The following OR56A3 variants were observed in gnomAD, a reference collection of about 807,000 sequenced individuals.
The protein encoded by OR56A3 is olfactory receptor 56A3.
A neutral mutation model predicts 17.5 loss-of-function variants in OR56A3; 23 were observed. The ratio of observed to expected loss-of-function variants is 1.32; its 90% confidence interval spans 0.95 to 1.87. OR56A3 has a LOEUF of 1.87. Among genes scored for constraint, OR56A3 ranks in the 40% most tolerant of loss-of-function variants. The pLI, the probability that OR56A3 is intolerant of heterozygous loss-of-function variation, is 0.00. For synonymous variants in OR56A3, 175 were observed against 150.6 expected (o/e 1.16, Z -1.19); for missense variants, 366 against 380.1 (o/e 0.96, Z 0.31).
At chr11:6,002,911 G>T in the OR56A3 span, 2 of 1,614,088 alleles carry the variant, frequency 1.2e-6, no homozygotes, top group Admixed American at 3.3e-5. Flanking sequence ...GACAACCAGT[G>T]CTGCCAGCTC....
chr11:6,018,040 GTATATA>G, the OR56A3 span, among the ~76,000 whole-genome samples: 557 of 20,896 alleles, frequency 0.027, 4 homozygotes, highest in African/African-American at 0.041. Flanking sequence ...GTGTGTGTGT[GTATATA>G]TATATATATA....
At chr11:5,975,593 C>A in the OR56A3 span, among the ~76,000 whole-genome samples, 3 of 152,034 alleles carry the variant, frequency 2.0e-5, no homozygotes, top group Non-Finnish European at 4.4e-5. Context: ...ACATTTTCTT[C>A]ATCCAGTCTA....
chr11:6,010,650 A>G, the OR56A3 span, among the ~76,000 whole-genome samples: 1 of 152,212 alleles, frequency 6.6e-6, no homozygotes, highest in Non-Finnish European at 1.5e-5. Flanking sequence ...TATTCTTTGC[A>G]GATTACCCAG....
the OR56A3 span, chr11:6,021,737 A>G: frequency 1.3e-5 from 2 of 152,150 alleles, no homozygotes; most frequent in Non-Finnish European, 2.9e-5. Flanking sequence ...TTAAAAAAAC[A>G]ATAAAAAGCA....
At chr11:5,974,880 G>A in the OR56A3 span, among the ~76,000 whole-genome samples, 3 of 152,186 alleles carry the variant, frequency 2.0e-5, no homozygotes, top group Non-Finnish European at 2.9e-5. Context: ...ACAGTGCTGA[G>A]CTTATAGTAA....
At chr11:5,975,296 C>T in the OR56A3 span, among the ~76,000 whole-genome samples, 11 of 152,114 alleles carry the variant, frequency 7.2e-5, no homozygotes, top group African/African-American at 1.2e-4. Context: ...CATGTTGGTG[C>T]GCTGCACCCA....
chr11:5,960,558 G>A, the OR56A3 span, among the ~76,000 whole-genome samples: 1 of 152,216 alleles, frequency 6.6e-6, no homozygotes, highest in Admixed American at 6.5e-5. Context: ...CGCTCACTCA[G>A]TGCTCAATGT....
the OR56A3 span, among the ~76,000 whole-genome samples, chr11:6,005,560 G>A: frequency 6.6e-6 from 1 of 152,068 alleles, no homozygotes; most frequent in African/African-American, 2.4e-5. Flanking sequence ...ATATGCAATA[G>A]ATGGTGTCTT....
chr11:6,009,268 C>A, the OR56A3 span, among the ~76,000 whole-genome samples: 148 of 152,262 alleles, frequency 9.7e-4, no homozygotes, highest in South Asian at 4.6e-3. Context: ...CCATTTCATA[C>A]TGGTTTCTTC....
At chr11:6,020,335 T>C in the OR56A3 span, 1 of 152,160 alleles carries the variant, frequency 6.6e-6, no homozygotes, top group African/African-American at 2.4e-5. Context: ...TTTTTTCTAG[T>C]TCTGTAAAGA....
At chr11:5,953,902 T>C (rs1007316257), downstream of OR56A3, among the ~76,000 whole-genome samples, 7 of 152,076 alleles carry the variant, frequency 4.6e-5, no homozygotes, top group Non-Finnish European at 7.4e-5. Context: ...GGGGGACTCA[T>C]TGATTAATTA....
the OR56A3 span, chr11:5,968,149 A>C: frequency 2.4e-5 from 39 of 1,614,220 alleles, no homozygotes; most frequent in Non-Finnish European, 3.2e-5. Context: ...ATGAATGTGC[A>C]GGACTCCATA....
Position 5,947,851 on chromosome 11 carries a change from C to T in OR56A3, c.505C>T (p.Gln169Ter), listed in dbSNP as rs955583733. The T allele has an allele frequency of 1.9e-6, 3 of 1,614,230 alleles. No individual in the cohort carries two copies. ...MTLPIPILSA[Q>*]LRYCGRNVIE... Reference sequence around the variant, plus strand: ...TCTGCCCATCCCCATCCTTTCAGCACAACTCCGTTATTGTGGAAGAAATGT... The same window carrying T: ...TCTGCCCATCCCCATCCTTTCAGCATAACTCCGTTATTGTGGAAGAAATGT... Residue 169 changes from glutamine to a stop codon, truncating the protein, a stop_gained, in exon 3 of 3, where the codon CAA (glutamine) becomes TAA (stop). Coordinates refer to ENST00000641160, the MANE Select transcript of OR56A3 (RefSeq NM_001003443.3). LOFTEE classifies it high-confidence loss of function.
chr11:5,967,884 A>G, the OR56A3 span: 1 of 1,581,968 alleles, frequency 6.3e-7, no homozygotes, highest in Non-Finnish European at 8.6e-7. Context: ...CCAACCTATA[A>G]CAAACTGGTA....
At chr11:5,967,721 C>A in the OR56A3 span, 2 of 1,612,442 alleles carry the variant, frequency 1.2e-6, no homozygotes, top group Admixed American at 3.3e-5. Context: ...CCAGAACCAG[C>A]AGGACTGTGG....
chr11:5,951,949 C>T (rs17809020), downstream of OR56A3, among the ~76,000 whole-genome samples: 14,388 of 151,844 alleles, frequency 0.095, 798 homozygotes, highest in Middle Eastern at 0.17. Flanking sequence ...AGATGAAGGA[C>T]GGAAAGTAAT....
chr11:6,006,881 T>C, the OR56A3 span: 1 of 152,556 alleles, frequency 6.6e-6, no homozygotes, highest in African/African-American at 2.4e-5. Flanking sequence ...CAGCATCCTC[T>C]TCCTCATAAT....
At chr11:6,009,012 T>C in the OR56A3 span, among the ~76,000 whole-genome samples, 195 of 152,302 alleles carry the variant, frequency 1.3e-3, no homozygotes, top group African/African-American at 4.5e-3. Flanking sequence ...ATCTAAGTAA[T>C]GCATGTTGTG....
chr11:6,015,475 A>G, the OR56A3 span, among the ~76,000 whole-genome samples: 1 of 152,332 alleles, frequency 6.6e-6, no homozygotes, highest in Non-Finnish European at 1.5e-5. Context: ...GAACAGGGCC[A>G]CCATCCTCCA....
Sources: gnomAD v4.1 joint callset for allele counts (sites outside exome capture counted in the v4.1 genomes callset) on GRCh38, gnomAD v4.1.1 for gene constraint, MANE v1.5 for transcripts, NCBI Gene and HGNC (gene_info 2026-07-23, HGNC 2026-07-21) for gene names.